The following ELOF1 variants were observed in gnomAD, a reference collection of about 807,000 sequenced individuals.
ELOF1 encodes transcription elongation factor 1 homolog.
A neutral mutation model predicts 7.1 loss-of-function variants in ELOF1; 4 were observed. The ratio of observed to expected loss-of-function variants is 0.56; its 90% CI spans 0.28 to 1.29. The LOEUF (loss-of-function observed/expected upper bound fraction) is 1.29. Ranked by LOEUF, ELOF1 falls within the 50% of genes most tolerant of loss-of-function variation. The probability of loss-of-function intolerance (pLI) is 0.10; values close to 1 mark genes in which losing one functional copy is unlikely to be tolerated. For missense variants in ELOF1, 59 were observed against 86.3 expected, an observed-to-expected ratio of 0.68 and a Z score of 1.25; for synonymous variants, 31 against 31.9, an observed-to-expected ratio of 0.97 and a Z score of 0.09.
At chr19:11,553,582 TACACACAC>T (rs57015096) in intron 3 of ELOF1, 71,114 of 595,352 alleles carry the variant, frequency 0.12, 312 homozygotes, top group Non-Finnish European at 0.14. Flanking sequence ...GCACACCCAC[TACACACAC>T]ACACACACAC....
exon 3 of ELOF1, chr19:11,554,052 G>C: frequency 6.2e-7 from 1 of 1,614,192 alleles, no homozygotes. Flanking sequence ...CACGGTACAA[G>C]AGATGACTCC....
At chr19:11,553,711 C>A (rs367832594) in intron 3 of ELOF1, 4 of 1,613,804 alleles carry the variant, frequency 2.5e-6, no homozygotes, top group Non-Finnish European at 1.7e-6. Context: ...ATCCACAGTA[C>A]GCGGGGCTGC....
chr19:11,554,257 G>T, exon 2 of ELOF1: 3 of 1,613,866 alleles, frequency 1.9e-6, no homozygotes, highest in Non-Finnish European at 2.5e-6. Context: ...GATTTCTCGT[G>T]GTTGCAGAAG....
At chr19:11,554,579 TCTCA>T (rs976751683) in intron 1 of ELOF1, 2 of 622,612 alleles carry the variant, frequency 3.2e-6, no homozygotes, top group Non-Finnish European at 5.4e-6. Flanking sequence ...ACCCCATCTC[TCTCA>T]CTTACTGCGT....
At chr19:11,554,245 A>G in exon 2 of ELOF1, 1 of 1,613,400 alleles carries the variant, frequency 6.2e-7, no homozygotes, top group South Asian at 1.1e-5. Context: ...TTCACATCAC[A>G]GGATTTCTCG....
intron 3 of ELOF1, chr19:11,553,104 T>A (rs555218919): frequency 2.5e-6 from 1 of 401,444 alleles, no homozygotes; most frequent in African/African-American, 2.1e-5. Flanking sequence ...ATCCCAGCCC[T>A]TGCTTCCTCT....
chr19:11,553,590 CA>C (rs1972769992), intron 3 of ELOF1: 4 of 134,474 alleles, frequency 3.0e-5, no homozygotes, highest in African/African-American at 2.0e-4. Context: ...ACTACACACA[CA>C]CACACACACA....
At chr19:11,556,329 T>C (rs150079387) in intron 1 of ELOF1, among the ~76,000 whole-genome samples, 1 of 152,068 alleles carries the variant, frequency 6.6e-6, no homozygotes, top group Non-Finnish European at 1.5e-5. Flanking sequence ...AGATGGAGTC[T>C]TGCTCTGCCG....
chr19:11,553,613 ACACACACACACACACACACG>A, intron 3 of ELOF1: 1 of 784,186 alleles, frequency 1.3e-6, no homozygotes, highest in South Asian at 1.7e-5. Context: ...ACACACACAC[ACACACACACACACACACACG>A]GCTGTGACAG....
At chr19:11,557,418 A>T (rs957722070) in intron 1 of ELOF1, among the ~76,000 whole-genome samples, 23 of 151,966 alleles carry the variant, frequency 1.5e-4, no homozygotes, top group Non-Finnish European at 2.9e-4. Context: ...CAACATGGTG[A>T]AACCCCATTT....
At chr19:11,554,051 A>G (rs778882533) in exon 3 of ELOF1, 1 of 1,614,092 alleles carries the variant, frequency 6.2e-7, no homozygotes, top group Non-Finnish European at 8.5e-7. Context: ...ACACGGTACA[A>G]GAGATGACTC....
rs1472004068 is a variant in ELOF1, at chr19:11,554,227, C to G, written c.116+5G>C. On this transcript the variant is annotated splice_donor_5th_base_variant and intron_variant, in intron 2 of 3. Coordinates refer to ENST00000586683, the Ensembl canonical transcript of ELOF1. ...GCTGGATCCCTTGCCCTGTTCCCCA[C>G]TCACATTTTCACATCACAGGATTTC... is the stretch of plus-strand genomic sequence containing the variant. 1.2e-6 allele frequency: 2 copies of G among 1,612,930 alleles called. No individual in the cohort carries two copies. Among genetic ancestry groups the G allele is most frequent in the South Asian group, 2.2e-5 (2 of 91,044 alleles).
intron 3 of ELOF1, chr19:11,553,647 A>G: frequency 7.6e-7 from 1 of 1,318,548 alleles, no homozygotes; most frequent in African/African-American, 1.5e-5. Flanking sequence ...GTGACAGCCC[A>G]GGACCCACAC....
chr19:11,554,319 G>A lies in ELOF1; in HGVS notation c.29C>T (p.Pro10Leu), dbSNP rs943633264. Residue 10 changes from proline (P) to leucine (L), a missense_variant, in exon 2 of 4, where the codon CCG (proline) becomes CTG (leucine). Physicochemically the swap from Pro to Leu is moderately conservative, Grantham distance 98 (BLOSUM62 -3). Coordinates refer to ENST00000586683, the Ensembl canonical transcript of ELOF1. ...GCCTGTCATCTTCTTCTTGGGAGGC[G>A]GCTTTCGTTTTGACTTTCTGCGCCC... 11 of 1,613,804 alleles carry A rather than the reference G, an allele frequency of 6.8e-6. No individual in the cohort carries two copies. The highest frequency in any genetic ancestry group is 2.2e-5 in the South Asian group (2 of 91,068).
At chr19:11,554,661 G>C (rs1259287534) in intron 1 of ELOF1, 1 of 442,072 alleles carries the variant, frequency 2.3e-6, no homozygotes, top group South Asian at 5.4e-5. Flanking sequence ...GACAAGGCCA[G>C]GCATGGTGGC....
intron 1 of ELOF1, chr19:11,554,925 G>T (rs1301217960): frequency 6.6e-6 from 1 of 150,392 alleles, no homozygotes; most frequent in African/African-American, 2.5e-5. Flanking sequence ...CTGCACTCCA[G>T]CCTAGGCAAC....
chr19:11,555,431 AGCCAGCTGTTCAGG>A (rs1465253049), intron 1 of ELOF1: 1 of 152,742 alleles, frequency 6.5e-6, no homozygotes, highest in Admixed American at 6.6e-5. Context: ...CTCCAAGACA[AGCCAGCTGTTCAGG>A]GCCGGGTGGA....
At chr19:11,554,164 G>T (rs569671018) in intron 2 of ELOF1, 68 bp downstream of exon 2, 1 of 1,614,054 alleles carries the variant, frequency 6.2e-7, no homozygotes, top group African/African-American at 1.3e-5. Context: ...GGAGGCAAGG[G>T]GCAGGATGGA....
intron 1 of ELOF1, among the ~76,000 whole-genome samples, chr19:11,556,229 C>A (rs947740421): frequency 9.9e-5 from 15 of 152,150 alleles, no homozygotes; most frequent in African/African-American, 2.9e-4. Flanking sequence ...CAGCAGCCTG[C>A]CAGTGTCTTC....
Sources: gnomAD v4.1 joint callset for allele counts (sites outside exome capture counted in the v4.1 genomes callset) on GRCh38, gnomAD v4.1.1 for gene constraint, MANE v1.5 for transcripts, NCBI Gene and HGNC (gene_info 2026-07-23, HGNC 2026-07-21) for gene names.